TJAP1: variants seen among roughly 807,000 people sequenced by gnomAD.
TJAP1 encodes the protein tight junction associated protein 1.
TJAP1 carries 27 observed loss-of-function variants against 42.0 expected under a neutral mutation model. The ratio of observed to expected loss-of-function variants is 0.64; its 90% confidence interval spans 0.47 to 0.89. The LOEUF is 0.89. Among genes scored for constraint, TJAP1 ranks in the 40% least tolerant of loss-of-function variants. The pLI, the probability that TJAP1 is intolerant of heterozygous loss-of-function variation, is 0.00. For missense variants in TJAP1, 712 were observed against 726.9 expected (o/e 0.98, Z 0.24); for synonymous variants, 257 against 288.4 (o/e 0.89, Z 1.10).
chr6:43,486,976 G>T (rs1165242511), intron 2 of TJAP1, among the ~76,000 whole-genome samples: 1 of 152,198 alleles, frequency 6.6e-6, no homozygotes, highest in Non-Finnish European at 1.5e-5. Flanking sequence ...ATGGCAACTT[G>T]CGGGAAGTAA....
chr6:43,503,795 T>C, intron 10 of TJAP1, 89 bp downstream of exon 10: 1 of 1,169,866 alleles, frequency 8.5e-7, no homozygotes, highest in Admixed American at 1.8e-5. Context: ...CCTCTCTCTG[T>C]CCTCCTCTTC....
intron 3 of TJAP1, 111 bp downstream of exon 3, chr6:43,498,088 G>A (rs1416677095): frequency 6.6e-6 from 1 of 152,252 alleles, no homozygotes; most frequent in Non-Finnish European, 1.5e-5. Flanking sequence ...AAGAGTGGTG[G>A]AGGCCACAGG....
chr6:43,486,313 T>A (rs1271773853), intron 2 of TJAP1, among the ~76,000 whole-genome samples: 1 of 148,644 alleles, frequency 6.7e-6, no homozygotes, highest in African/African-American at 2.5e-5. Context: ...AGAAAGGGGG[T>A]TAAAGGAGGA....
chr6:43,484,804 C>T (rs1466143875), intron 2 of TJAP1, among the ~76,000 whole-genome samples: 1 of 152,212 alleles, frequency 6.6e-6, no homozygotes, highest in East Asian at 1.9e-4. Context: ...CAGCTCACTG[C>T]AACCTCCACC....
intron 2 of TJAP1, among the ~76,000 whole-genome samples, chr6:43,481,422 A>G (rs1388057470): frequency 6.6e-6 from 1 of 152,072 alleles, no homozygotes; most frequent in Admixed American, 6.6e-5. Flanking sequence ...GCAGTTGATT[A>G]GCCGTAGTAA....
chr6:43,506,226 G>GTT, exon 11 of TJAP1: 1 of 174,084 alleles, frequency 5.7e-6, no homozygotes, highest in East Asian at 1.5e-4. Context: ...TTGTTATTTT[G>GTT]TTTTTTTTTG....
Position 43,501,581 on chromosome 6 carries a change from C to T in TJAP1, c.184C>T (p.Arg62Cys), listed in dbSNP as rs763628452. The change falls in exon 6 of 11, where the codon CGC becomes TGC. Residue 62 changes from arginine to cysteine, a missense_variant. Arg to Cys is a radical substitution (Grantham distance 180). Around this residue, in one of 3 missense-constraint regions of TJAP1, gnomAD observed 158 missense variants for 182.1 expected, o/e 0.87. Coordinates refer to ENST00000372449, the Ensembl canonical transcript of TJAP1. ...CCGGCGCCTGGCCTCCGCCACCAGA[C>T]GCACTGAGGCCCTGGAACGTGAGCT... is the stretch of plus-strand genomic sequence containing the variant. The T allele has an allele frequency of 1.5e-5, 25 of 1,613,972 alleles. No homozygotes were observed. Among genetic ancestry groups the T allele is most frequent in the South Asian group, 3.3e-5 (3 of 91,082 alleles).
chr6:43,505,449 C>T lies in TJAP1; in HGVS notation c.1268C>T (p.Pro423Leu), dbSNP rs1304825436. 5 of 1,613,382 alleles carry T rather than the reference C, an allele frequency of 3.1e-6. No individual in the cohort carries two copies. The highest frequency in any genetic ancestry group is 2.2e-5 in the East Asian group (1 of 44,878). Reference sequence around the variant, plus strand: ...CAGCGGGCATTTGTGGACCGTACTCCACCACCTGCTGCTGTGGCCCAGCGC... The same window carrying T: ...CAGCGGGCATTTGTGGACCGTACTCTACCACCTGCTGCTGTGGCCCAGCGC... Residue 423 changes from proline (P) to leucine (L), a missense_variant, in exon 11 of 11, where the codon CCA (proline) becomes CTA (leucine). By Grantham distance (98) the Pro-to-Leu change is moderately conservative. Transcript: ENST00000372449. This position sits in a 1 kb window ranked among gnomAD's most constrained non-coding sequence, Gnocchi z 5.5.
chr6:43,500,609 A>G, intron 4 of TJAP1, 135 bp from the exon 5 acceptor site: 1 of 899,176 alleles, frequency 1.1e-6, no homozygotes, highest in South Asian at 1.4e-5. Flanking sequence ...CCATCCGTAG[A>G]GAGCCCTGCA....
rs1295164136 is a variant in TJAP1, at chr6:43,498,848, G to A, written c.-24-130G>A. 7 of 966,058 alleles carry A rather than the reference G, an allele frequency of 7.2e-6. No individual in the cohort carries two copies. In the East Asian group the frequency reaches 2.0e-4, roughly 27 times the overall value. The allele number at this position is 966,058 out of a possible 1,614,324, so 59.8% of individuals were successfully genotyped here. A position where few individuals can be genotyped will look rare whatever the true frequency, so the allele number is the denominator to read the frequency against. On this transcript the variant is annotated intron_variant, in intron 3 of 10. Transcript: ENST00000372449. ...AAGTCCTGCCCCTCTAGTGACTCCA[G>A]TAATGGCCCAGGCCTGTCAGCCTAT...
chr6:43,483,441 A>C (rs1206764483), intron 2 of TJAP1, among the ~76,000 whole-genome samples: 1 of 152,160 alleles, frequency 6.6e-6, no homozygotes, highest in East Asian at 1.9e-4. Context: ...TGTCACCTCC[A>C]GTGAGAAGCC....
In TJAP1 at chr6:43,486,601, C is replaced by T. The variant is rs577958273; in HGVS notation, c.-122+8369C>T. On this transcript the variant is annotated intron_variant, in intron 2 of 10. Transcript: ENST00000372449. ...AAACTCCTGACCTCAGGTGATCCACCGGCCTCAGCCTCCCAAAGTGCTGGG... is the reference window on the plus strand; with the variant it reads ...AAACTCCTGACCTCAGGTGATCCACTGGCCTCAGCCTCCCAAAGTGCTGGG... Among the ~76,000 whole-genome samples the T allele has an allele frequency of 9.2e-5, 14 of 152,172 alleles. No individual in the cohort carries two copies. In the Middle Eastern group the frequency reaches 0.01, roughly 111 times the overall value.
chr6:43,505,199 C>G lies in TJAP1; in HGVS notation c.1018C>G (p.Arg340Gly). 6.8e-6 allele frequency: 11 copies of G among 1,614,172 alleles called. No homozygotes were observed. The highest frequency in any genetic ancestry group is 9.3e-6 in the Non-Finnish European group (11 of 1,180,010). ...AATAGAGTTCTCTGAGGATAAGGTTCGGATCCCCCGCAACAGCCCCCTGCC... is the reference window on the plus strand; with the variant it reads ...AATAGAGTTCTCTGAGGATAAGGTTGGGATCCCCCGCAACAGCCCCCTGCC... Residue 340 changes from arginine (R) to glycine (G), a missense_variant, in exon 11 of 11, where the codon CGG becomes GGG. Arg to Gly is a moderately radical substitution (Grantham distance 125, BLOSUM62 -2). Coordinates refer to ENST00000372449, the Ensembl canonical transcript of TJAP1. This position sits in a 1 kb window ranked among gnomAD's most constrained non-coding sequence, Gnocchi z 5.5.
intron 2 of TJAP1, among the ~76,000 whole-genome samples, chr6:43,489,164 C>T (rs1342069901): frequency 6.6e-6 from 1 of 152,244 alleles, no homozygotes; most frequent in Admixed American, 6.5e-5. Flanking sequence ...CTGCTTTTGC[C>T]TCATTTGCCT....
chr6:43,500,951 G>C, intron 5 of TJAP1, 179 bp downstream of exon 5: 1 of 695,400 alleles, frequency 1.4e-6, no homozygotes, highest in Non-Finnish European at 2.5e-6. Context: ...TGGAAAATGG[G>C]ATTTTATTGT....
intron 2 of TJAP1, among the ~76,000 whole-genome samples, chr6:43,483,196 C>T (rs1785672780): frequency 6.6e-6 from 1 of 152,142 alleles, no homozygotes; most frequent in African/African-American, 2.4e-5. Flanking sequence ...CCCACACTGT[C>T]TGGCTTGGCA....
At chr6:43,499,293 A>G (rs1296653648) in intron 4 of TJAP1, among the ~76,000 whole-genome samples, 193 bp downstream of exon 4, 1 of 152,192 alleles carries the variant, frequency 6.6e-6, no homozygotes, top group Non-Finnish European at 1.5e-5. Flanking sequence ...ACTGTCTGTG[A>G]GTATATGTCC....
intron 2 of TJAP1, among the ~76,000 whole-genome samples, chr6:43,485,152 C>T (rs80003382): frequency 0.018 from 2,803 of 152,326 alleles, 35 homozygotes; most frequent in South Asian, 0.039. Context: ...CAGAAAGCTG[C>T]TCACAGTGGA....
chr6:43,499,313 G>A (rs961945004), intron 4 of TJAP1, among the ~76,000 whole-genome samples: 1 of 152,228 alleles, frequency 6.6e-6, no homozygotes, highest in Non-Finnish European at 1.5e-5. Flanking sequence ...CACATGTCAG[G>A]GAACCCCTGA....
Sources: gnomAD v4.1 joint callset for allele counts (sites outside exome capture counted in the v4.1 genomes callset) on GRCh38, gnomAD v4.1.1 for gene constraint, gnomAD v4.1.1 regional missense constraint, Gnocchi (gnomAD v3.1) non-coding constraint, MANE v1.5 for transcripts, NCBI Gene and HGNC (gene_info 2026-07-23, HGNC 2026-07-21) for gene names.